The following NUMB variants were observed in gnomAD, a reference collection of about 807,000 sequenced individuals.
The protein encoded by NUMB is NUMB endocytic adaptor protein.
A neutral mutation model predicts 59.7 loss-of-function variants in NUMB; 29 were observed. The ratio of observed to expected loss-of-function variants is 0.49; its 90% CI spans 0.36 to 0.66. NUMB has a LOEUF of 0.66. Among genes scored for constraint, NUMB ranks in the 30% least tolerant of loss-of-function variants. The pLI, the probability that NUMB is intolerant of heterozygous loss-of-function variation, is 0.00. For synonymous variants in NUMB, 288 were observed against 288.2 expected (o/e 1.00, Z 0.01); for missense variants, 723 against 822.0 (o/e 0.88, Z 1.47).
intron 1 of NUMB, among the ~76,000 whole-genome samples, chr14:73,421,154 AAAAGG>A (rs1418940243): frequency 6.6e-6 from 1 of 152,056 alleles, no homozygotes; most frequent in Non-Finnish European, 1.5e-5. Flanking sequence ...CAAGAGAAAG[AAAAGG>A]AAAGTTTTTT....
At chr14:73,310,057 T>A (rs963683202) in intron 6 of NUMB, among the ~76,000 whole-genome samples, 1 of 152,182 alleles carries the variant, frequency 6.6e-6, no homozygotes, top group African/African-American at 2.4e-5. Flanking sequence ...GAACAGATAT[T>A]ATAATATTTT....
rs1350368874 is a variant in NUMB, at chr14:73,282,389, C to T, written c.1066G>A (p.Val356Met). The T allele has an allele frequency of 4.3e-6, 7 of 1,614,186 alleles. No individual in the cohort carries two copies. In the South Asian group the frequency reaches 7.7e-5, roughly 18 times the overall value. ...AAGGTAGGAGATTGTGGTGCCACCA[C>T]TGTCACTGGTTTGGTCATCGGAGCA... ...SSAPMTKPVTVVAPQSPTFQA... is the reference protein window; with the variant it reads ...SSAPMTKPVTMVAPQSPTFQA... Residue 356 changes from valine (V) to methionine (M), a missense_variant, in exon 11 of 13, where the codon GTG (valine) becomes ATG (methionine). Val to Met is a conservative substitution (Grantham distance 21). Transcript: ENST00000555238.
chr14:73,367,831 G>A (rs1472621192), intron 2 of NUMB, among the ~76,000 whole-genome samples: 2 of 149,160 alleles, frequency 1.3e-5, no homozygotes, highest in Admixed American at 6.7e-5. Context: ...GAATATTTAC[G>A]AGAAATAAAC....
At chr14:73,357,738 G>A (rs1413371094) in intron 3 of NUMB, among the ~76,000 whole-genome samples, 3 of 151,962 alleles carry the variant, frequency 2.0e-5, no homozygotes, top group Admixed American at 2.0e-4. Flanking sequence ...ACTCCAGCCT[G>A]GGCAACAGAG....
At chr14:73,447,508 T>A (rs932179244) in intron 1 of NUMB, among the ~76,000 whole-genome samples, 2 of 151,072 alleles carry the variant, frequency 1.3e-5, no homozygotes, top group Non-Finnish European at 2.9e-5. Context: ...TAAATATATA[T>A]AAAATTAGTC....
chr14:73,367,774 CAAAAA>C (rs11463575), intron 2 of NUMB, among the ~76,000 whole-genome samples: 1 of 111,848 alleles, frequency 8.9e-6, no homozygotes, highest in East Asian at 2.5e-4. Flanking sequence ...GACCCTGTTT[CAAAAA>C]AAAAAAAAAA....
intron 4 of NUMB, among the ~76,000 whole-genome samples, chr14:73,337,357 T>C (rs1383290691): frequency 1.3e-5 from 2 of 151,918 alleles, no homozygotes; most frequent in Non-Finnish European, 2.9e-5. Context: ...CAAAATTAGC[T>C]GGGAGTGGTG....
chr14:73,409,897 C>T (rs1896830050), intron 2 of NUMB, 40 bp downstream of exon 2: 1 of 152,198 alleles, frequency 6.6e-6, no homozygotes, highest in Non-Finnish European at 1.5e-5. Context: ...TGTTAGCTTT[C>T]AATCCACTTT....
intron 2 of NUMB, among the ~76,000 whole-genome samples, chr14:73,394,940 G>C (rs937542681): frequency 6.6e-5 from 10 of 151,814 alleles, no homozygotes; most frequent in Non-Finnish European, 1.3e-4. Context: ...TTGTCTTTCT[G>C]TGCCTACCTT....
intron 6 of NUMB, among the ~76,000 whole-genome samples, chr14:73,303,374 G>A (rs1222560098): frequency 3.9e-5 from 6 of 152,278 alleles, no homozygotes; most frequent in Admixed American, 3.9e-4. Flanking sequence ...GAGGTCAGGA[G>A]TTTGAGACCA....
chr14:73,350,116 A>T (rs967236309), intron 4 of NUMB, among the ~76,000 whole-genome samples: 2 of 138,292 alleles, frequency 1.4e-5, no homozygotes. Flanking sequence ...CACTGAAGTC[A>T]GTGTTTCCTA....
intron 2 of NUMB, among the ~76,000 whole-genome samples, chr14:73,376,955 A>C (rs1894978173): frequency 6.6e-6 from 1 of 152,238 alleles, no homozygotes; most frequent in Non-Finnish European, 1.5e-5. Context: ...AAGCCAACAC[A>C]ATGGTGAAAA....
intron 4 of NUMB, among the ~76,000 whole-genome samples, chr14:73,351,977 AAAAATAAAATAAAATAAAAAT>A (rs1192068842): frequency 6.6e-6 from 1 of 151,654 alleles, no homozygotes; most frequent in African/African-American, 2.4e-5. Flanking sequence ...CTCTGTCTCA[AAAAATAAAATAAAATAAAAAT>A]AAAATAAAAT....
At chr14:73,357,322 G>A (rs1445159867) in intron 3 of NUMB, among the ~76,000 whole-genome samples, 1 of 150,160 alleles carries the variant, frequency 6.7e-6, no homozygotes, top group Non-Finnish European at 1.5e-5. Flanking sequence ...AGAATCACTT[G>A]AACCTGGGGG....
intron 1 of NUMB, among the ~76,000 whole-genome samples, chr14:73,439,260 C>T (rs535798958): frequency 6.6e-6 from 1 of 152,210 alleles, no homozygotes; most frequent in Non-Finnish European, 1.5e-5. Flanking sequence ...AAGCACAACT[C>T]TACAAATAGA....
chr14:73,407,533 C>G (rs186494578), intron 2 of NUMB, among the ~76,000 whole-genome samples: 2 of 152,204 alleles, frequency 1.3e-5, no homozygotes, highest in African/African-American at 4.8e-5. Context: ...TCTGATCATT[C>G]GCAGTTGAGA....
Position 73,276,567 on chromosome 14 carries a change from A to G in NUMB, c.*11T>C. ...TCTGGTATGGACAAGATACATAGCC[A>G]TAATGATTGCTTAAAGTTCAATTTC... On this transcript the variant is annotated 3_prime_UTR_variant, in exon 13 of 13. Coordinates refer to ENST00000555238, the MANE Select transcript of NUMB (RefSeq NM_001005743.2). 6.2e-7 allele frequency: 1 copy of G among 1,605,174 alleles called. No individual in the cohort carries two copies. Among genetic ancestry groups the G allele is most frequent in the Non-Finnish European group, 8.5e-7 (1 of 1,173,800 alleles).
At chr14:73,349,452 TGG>T (rs137877462) in intron 4 of NUMB, among the ~76,000 whole-genome samples, 3,354 of 151,818 alleles carry the variant, frequency 0.022, 45 homozygotes, top group Middle Eastern at 0.065. Flanking sequence ...CTGGGCATAG[TGG>T]CAGGCGCCTG....
At chr14:73,445,131 G>A (rs35850292) in intron 1 of NUMB, among the ~76,000 whole-genome samples, 23,910 of 151,584 alleles carry the variant, frequency 0.16, 2,715 homozygotes, top group Non-Finnish European at 0.23. Context: ...CACTACTAAC[G>A]TGGGTGCAGA....
Sources: allele counts gnomAD v4.1 joint callset (sites outside exome capture counted in the v4.1 genomes callset), GRCh38; gene constraint gnomAD v4.1.1; transcripts MANE v1.5; gene names NCBI Gene and HGNC (gene_info 2026-07-23, HGNC 2026-07-21).